PCMTD1: variants seen among roughly 807,000 people sequenced by gnomAD.
PCMTD1 encodes protein-L-isoaspartate O-methyltransferase domain-containing protein 1.
A neutral mutation model predicts 37.6 loss-of-function variants in PCMTD1; 12 were observed. That is an observed-to-expected ratio of 0.32 (90% confidence interval 0.20 to 0.52). PCMTD1 has a LOEUF of 0.52. PCMTD1 is among the 20% of genes least tolerant of loss of function. The pLI, the probability that PCMTD1 is intolerant of heterozygous loss-of-function variation, is 0.97. For synonymous variants in PCMTD1, 117 were observed against 135.8 expected (o/e 0.86, Z 0.96); for missense variants, 235 against 421.3 (o/e 0.56, Z 3.87).
chr8:51,833,598 C>T lies in PCMTD1; in HGVS notation c.502G>A (p.Gly168Arg). ...HQYDRIYCGA[G>R]VQKDHENYMK... The stretch of plus-strand genomic sequence containing the variant: ...TAGTTTTCATGGTCTTTCTGCACTC[C>T]AGCTCCACAATAAATTCGATCATAC... Residue 168 changes from glycine (G) to arginine (R), a missense_variant, in exon 4 of 6, where the codon GGA (glycine) becomes AGA (arginine). Coordinates refer to ENST00000522514, the MANE Select transcript of PCMTD1 (RefSeq NM_052937.4). 6.2e-7 allele frequency: 1 copy of T among 1,612,422 alleles called. No homozygotes were observed. Among genetic ancestry groups the T allele is most frequent in the East Asian group, 2.2e-5 (1 of 44,800 alleles).
intron 5 of PCMTD1, among the ~76,000 whole-genome samples, chr8:51,824,181 T>C (rs577563926): frequency 6.6e-6 from 1 of 152,324 alleles, no homozygotes; most frequent in South Asian, 2.1e-4. Context: ...AACATAGTAT[T>C]GGAAGTTCTG....
intron 2 of PCMTD1, among the ~76,000 whole-genome samples, chr8:51,846,429 G>A (rs887560326): frequency 6.6e-6 from 1 of 152,170 alleles, no homozygotes; most frequent in Non-Finnish European, 1.5e-5. Flanking sequence ...TATTGGGCTG[G>A]CTCTTTTCCC....
intron 1 of PCMTD1, among the ~76,000 whole-genome samples, chr8:51,867,007 A>T (rs1351812144): frequency 6.6e-6 from 1 of 152,084 alleles, no homozygotes; most frequent in African/African-American, 2.4e-5. Context: ...AACTCAACTG[A>T]ATAGCAAGAA....
chr8:51,831,684 A>T, intron 4 of PCMTD1, 117 bp from the exon 5 acceptor site: 7 of 957,910 alleles, frequency 7.3e-6, no homozygotes, highest in Non-Finnish European at 1.0e-5. Flanking sequence ...ACAATCACTT[A>T]AATGTAAATG....
intron 3 of PCMTD1, chr8:51,845,289 A>C (rs1213551437): frequency 1.1e-5 from 2 of 174,506 alleles, no homozygotes; most frequent in East Asian, 2.8e-4. Flanking sequence ...GACTGGTACC[A>C]CCTCTCATGT....
chr8:51,875,964 G>GTC (rs1463839796), intron 1 of PCMTD1, among the ~76,000 whole-genome samples: 3 of 151,032 alleles, frequency 2.0e-5, no homozygotes, highest in Admixed American at 6.6e-5. Context: ...GTGTGTGTCT[G>GTC]TGTGTGTGTG....
chr8:51,864,270 A>G (rs1010136387), intron 1 of PCMTD1, among the ~76,000 whole-genome samples: 1 of 152,182 alleles, frequency 6.6e-6, no homozygotes, highest in Non-Finnish European at 1.5e-5. Context: ...AGCAAATACT[A>G]ATAGATCTGA....
At chr8:51,890,321 C>T (rs867663898) in intron 1 of PCMTD1, among the ~76,000 whole-genome samples, 1 of 152,128 alleles carries the variant, frequency 6.6e-6, no homozygotes, top group African/African-American at 2.4e-5. Flanking sequence ...TATATCACTG[C>T]TAGGCTTTTC....
intron 2 of PCMTD1, among the ~76,000 whole-genome samples, chr8:51,852,875 T>C (rs1400923303): frequency 6.6e-6 from 1 of 152,164 alleles, no homozygotes; most frequent in East Asian, 1.9e-4. Flanking sequence ...TTGTCACGTG[T>C]GGAAGAGGGC....
intron 1 of PCMTD1, among the ~76,000 whole-genome samples, chr8:51,882,914 T>A (rs1585852359): frequency 6.8e-6 from 1 of 146,702 alleles, no homozygotes; most frequent in East Asian, 2.0e-4. Flanking sequence ...GATCACGAGG[T>A]CAGGAGATAG....
intron 1 of PCMTD1, among the ~76,000 whole-genome samples, chr8:51,888,605 C>T (rs1279120673): frequency 6.6e-6 from 1 of 152,100 alleles, no homozygotes; most frequent in Non-Finnish European, 1.5e-5. Flanking sequence ...CTTTATTTTA[C>T]CATTGGCCAT....
At chr8:51,843,432 A>ATAATAAC (rs2038175142) in intron 3 of PCMTD1, among the ~76,000 whole-genome samples, 1 of 152,184 alleles carries the variant, frequency 6.6e-6, no homozygotes, top group African/African-American at 2.4e-5. Flanking sequence ...ACAACTACAT[A>ATAATAAC]TAATAACTAA....
chr8:51,870,881 G>A (rs906772104), intron 1 of PCMTD1, among the ~76,000 whole-genome samples: 2 of 152,110 alleles, frequency 1.3e-5, no homozygotes, highest in African/African-American at 2.4e-5. Flanking sequence ...AGCAGGGGGC[G>A]GGCCGGGGTG....
Position 51,899,022 on chromosome 8 carries a change from A to G in PCMTD1, c.-188T>C. 6.6e-7 allele frequency: 1 copy of G among 1,512,422 alleles called. No homozygotes were observed. The highest frequency in any genetic ancestry group is 8.8e-7 in the Non-Finnish European group (1 of 1,137,302). 93.7% of individuals were successfully genotyped at this position (1,512,422 alleles called of 1,614,324 possible). A position where few individuals can be genotyped will look rare whatever the true frequency, so the allele number is the denominator to read the frequency against. ...CGCTACCACCACAATAACAACACGG[A>G]CGCCACCGCCGAGTGGAGAGGCGGG... On this transcript the variant is annotated 5_prime_UTR_variant, in exon 1 of 6. Coordinates refer to ENST00000522514, the MANE Select transcript of PCMTD1 (RefSeq NM_052937.4).
intron 5 of PCMTD1, 70 bp from the exon 6 acceptor site, chr8:51,820,788 C>A: frequency 1.2e-5 from 11 of 902,062 alleles, no homozygotes; most frequent in South Asian, 7.6e-5. Context: ...TTATTTTTTT[C>A]ATAGAACAAA....
intron 2 of PCMTD1, 157 bp downstream of exon 2, chr8:51,860,688 C>T: frequency 1.6e-6 from 1 of 626,172 alleles, no homozygotes; most frequent in Non-Finnish European, 2.7e-6. Flanking sequence ...AAAAAGATTA[C>T]TACTACTTTG....
At chr8:51,868,453 AAAC>A (rs1277173877) in intron 1 of PCMTD1, among the ~76,000 whole-genome samples, 1 of 152,108 alleles carries the variant, frequency 6.6e-6, no homozygotes, top group East Asian at 1.9e-4. Context: ...CTGGGGGTGA[AAAC>A]AGGTGAAGCC....
intron 1 of PCMTD1, among the ~76,000 whole-genome samples, chr8:51,875,821 A>G (rs980728175): frequency 1.2e-4 from 18 of 152,138 alleles, no homozygotes; most frequent in African/African-American, 4.3e-4. Context: ...AGTCCCAGCT[A>G]CTTAGAAGGC....
chr8:51,838,521 C>T (rs2038099801), intron 3 of PCMTD1, among the ~76,000 whole-genome samples: 2 of 151,944 alleles, frequency 1.3e-5, no homozygotes, highest in South Asian at 4.1e-4. Context: ...TAAATGTTTA[C>T]TGATATTTAT....
Sources: allele counts gnomAD v4.1 joint callset (sites outside exome capture counted in the v4.1 genomes callset), GRCh38; gene constraint gnomAD v4.1.1; transcripts MANE v1.5; gene names NCBI Gene and HGNC (gene_info 2026-07-23, HGNC 2026-07-21).